Variants in EHBP1 observed in about 807,000 individuals in gnomAD.
The protein encoded by EHBP1 is EH domain-binding protein 1.
Under a neutral mutation model 144.0 loss-of-function variants are expected in EHBP1, and 55 were observed. That is an observed-to-expected ratio of 0.38 (90% CI 0.31 to 0.48). The LOEUF (loss-of-function observed/expected upper bound fraction) is 0.48, where lower values mean the gene tolerates loss of function less well. EHBP1 is among the 20% of genes least tolerant of loss of function. The probability of loss-of-function intolerance (pLI) is 0.98; values close to 1 mark genes in which losing one functional copy is unlikely to be tolerated. For synonymous variants in EHBP1, 469 were observed against 472.7 expected (o/e 0.99, Z 0.10); for missense variants, 1,200 against 1,364.2 (o/e 0.88, Z 1.90).
intron 9 of EHBP1, among the ~76,000 whole-genome samples, chr2:62,870,733 AAATAC>A (rs1186587945): frequency 1.4e-5 from 2 of 147,898 alleles, no homozygotes; most frequent in Non-Finnish European, 3.0e-5. Flanking sequence ...AAAAAAAAAA[AAATAC>A]ATATATATAT....
In EHBP1 at chr2:62,979,205, A is replaced by T; in HGVS notation, c.2478A>T (p.Arg826=). 1 of 1,613,292 alleles carries T rather than the reference A, an allele frequency of 6.2e-7. No homozygotes were observed. The highest frequency in any genetic ancestry group is 1.1e-5 in the South Asian group (1 of 90,962). The part of the protein sequence containing the change: ...RQLSDQQDEE[R]RRQLRERARQ... ...TATCTTAGCAGCAAGATGAAGAGCG[A>T]CGTCGGCAGCTGAGAGAGAGAGCTC... Residue 826 remains arginine (R), a synonymous_variant, in exon 15 of 23, where the codon CGA becomes CGT. Coordinates refer to ENST00000431489, the MANE Select transcript of EHBP1 (RefSeq NM_001142616.3).
intron 10 of EHBP1, among the ~76,000 whole-genome samples, chr2:62,908,829 A>G (rs2053989672): frequency 6.6e-6 from 1 of 152,194 alleles, no homozygotes. Context: ...TGTCTTGGTA[A>G]ATGTTTTATG....
intron 5 of EHBP1, among the ~76,000 whole-genome samples, chr2:62,782,821 T>C (rs923906147): frequency 3.3e-5 from 5 of 152,126 alleles, no homozygotes; most frequent in African/African-American, 4.8e-5. Flanking sequence ...GCCCCTCCCA[T>C]ATCTCATGTC....
chr2:62,973,806 C>T (rs2058595921), intron 14 of EHBP1, among the ~76,000 whole-genome samples: 1 of 152,182 alleles, frequency 6.6e-6, no homozygotes, highest in Non-Finnish European at 1.5e-5. Flanking sequence ...TTGAGACCAG[C>T]CTGGGCAACA....
intron 8 of EHBP1, among the ~76,000 whole-genome samples, chr2:62,863,949 C>T (rs1404292546): frequency 2.8e-5 from 4 of 142,166 alleles, no homozygotes; most frequent in African/African-American, 5.2e-5. Flanking sequence ...TGGATTCAGG[C>T]GATTCTCCTG....
chr2:63,043,370 A>G (rs527648486), intron 21 of EHBP1, among the ~76,000 whole-genome samples: 102 of 152,326 alleles, frequency 6.7e-4, no homozygotes, highest in African/African-American at 2.3e-3. Flanking sequence ...ATGCTATAGA[A>G]TATTTCATTT....
intron 7 of EHBP1, among the ~76,000 whole-genome samples, chr2:62,838,258 T>C (rs1396167176): frequency 2.0e-5 from 3 of 152,078 alleles, no homozygotes; most frequent in Non-Finnish European, 2.9e-5. Context: ...CATAACGAAA[T>C]GAAGGCAGAA....
At chr2:63,033,795 TATGTA>T (rs1337536787) in intron 19 of EHBP1, among the ~76,000 whole-genome samples, 2 of 152,144 alleles carry the variant, frequency 1.3e-5, no homozygotes, top group South Asian at 2.1e-4. Flanking sequence ...TCTTGGAAGA[TATGTA>T]ATGTAAAGTA....
intron 10 of EHBP1, among the ~76,000 whole-genome samples, chr2:62,880,508 A>G (rs1033484143): frequency 6.6e-6 from 1 of 152,220 alleles, no homozygotes; most frequent in Admixed American, 6.5e-5. Context: ...ATATCTGAGA[A>G]AGGTCTAATA....
intron 15 of EHBP1, among the ~76,000 whole-genome samples, chr2:62,989,981 A>C (rs2059349751): frequency 6.6e-6 from 1 of 152,204 alleles, no homozygotes; most frequent in African/African-American, 2.4e-5. Flanking sequence ...ATTAATCTTT[A>C]TGAAAAATAT....
In EHBP1 at chr2:62,796,791, T is replaced by C. The variant is rs2043562841; in HGVS notation, c.312+25399T>C. ...CATTAATGGTTTAATGAAGTTTAAA[T>C]TTTTATCTTAAACACCTCTTTCCAT... is the stretch of plus-strand genomic sequence containing the variant. On this transcript the variant is annotated intron_variant, in intron 5 of 22. Transcript: ENST00000431489. 3.3e-5 allele frequency among the ~76,000 whole-genome samples: 5 copies of C among 152,188 alleles called. No individual in the cohort carries two copies. The South Asian group carries it at 1.0e-3, about 32-fold the overall frequency.
chr2:62,908,643 A>G (rs749403070), intron 10 of EHBP1, among the ~76,000 whole-genome samples: 4 of 151,900 alleles, frequency 2.6e-5, no homozygotes, highest in Non-Finnish European at 5.9e-5. Flanking sequence ...ATACTTCCTA[A>G]TTTTTTTTAT....
At chr2:62,961,529 AT>A (rs1304106122) in intron 14 of EHBP1, among the ~76,000 whole-genome samples, 3 of 151,768 alleles carry the variant, frequency 2.0e-5, no homozygotes, top group Non-Finnish European at 4.4e-5. Flanking sequence ...TGTGTTTTTC[AT>A]TTTTTTCCAC....
At chr2:63,044,941 C>T (rs967105186) in intron 21 of EHBP1, 125 bp from the exon 22 acceptor site, 1 of 667,046 alleles carries the variant, frequency 1.5e-6, no homozygotes. Flanking sequence ...AAAACACTAG[C>T]TAGTGGCTCT....
At chr2:62,800,902 G>A (rs1340922723) in intron 5 of EHBP1, among the ~76,000 whole-genome samples, 2 of 152,038 alleles carry the variant, frequency 1.3e-5, no homozygotes, top group Non-Finnish European at 1.5e-5. Context: ...GCATTCACAG[G>A]GTCACTTTCA....
At chr2:62,980,089 G>A (rs1030333465) in intron 15 of EHBP1, among the ~76,000 whole-genome samples, 51 of 152,156 alleles carry the variant, frequency 3.4e-4, no homozygotes, top group African/African-American at 1.2e-3. Flanking sequence ...TCACTCTGAA[G>A]AGTAGGCAAG....
chr2:62,763,428 G>T (rs543746613), intron 3 of EHBP1, among the ~76,000 whole-genome samples: 2 of 152,230 alleles, frequency 1.3e-5, no homozygotes, highest in South Asian at 4.1e-4. Context: ...AACATCATAA[G>T]GTTCTTATGT....
At chr2:62,851,507 G>A (rs562375266) in intron 7 of EHBP1, among the ~76,000 whole-genome samples, 15 of 152,002 alleles carry the variant, frequency 9.9e-5, no homozygotes, top group Non-Finnish European at 2.1e-4. Context: ...TTAGTTTCCC[G>A]TAGCCTACAG....
chr2:62,918,644 C>A (rs1048188270), intron 10 of EHBP1, among the ~76,000 whole-genome samples: 1 of 152,078 alleles, frequency 6.6e-6, no homozygotes, highest in South Asian at 2.1e-4. Context: ...TAAACTTATG[C>A]CCCTAGTTAG....
Sources: gnomAD v4.1 joint callset for allele counts (sites outside exome capture counted in the v4.1 genomes callset) on GRCh38, gnomAD v4.1.1 for gene constraint, MANE v1.5 for transcripts, NCBI Gene and HGNC (gene_info 2026-07-23, HGNC 2026-07-21) for gene names.